Variants in MBD2 observed in about 807,000 individuals in gnomAD.
The protein encoded by MBD2 is methyl-CpG-binding domain protein 2.
MBD2 carries 9 observed loss-of-function variants against 39.3 expected under a neutral mutation model. The ratio of observed to expected loss-of-function variants is 0.23; its 90% CI spans 0.14 to 0.40. The LOEUF (loss-of-function observed/expected upper bound fraction) is 0.40. Among genes scored for constraint, MBD2 ranks in the 10% least tolerant of loss-of-function variants. MBD2 has a pLI of 1.00. For synonymous variants in MBD2, 233 were observed against 211.1 expected (o/e 1.10, Z -0.90); for missense variants, 458 against 532.6 (o/e 0.86, Z 1.38).
Position 54,224,205 on chromosome 18 carries a change from CGCCACCGCT to C in MBD2, c.346_354del (p.Ser116_Gly118del). On this transcript the variant is annotated inframe_deletion, in exon 1 of 7. Transcript: ENST00000256429. ...ACCGGCTCCCGCCGGGGGGCGCCGC[CGCCACCGCT>C]GCCGCCGCCGCCGCAGCCGCCGCCG... 6.7e-6 allele frequency: 8 copies of C among 1,186,750 alleles called. No individual in the cohort carries two copies. Among genetic ancestry groups the C allele is most frequent in the Non-Finnish European group, 8.3e-6 (8 of 960,778 alleles). 73.5% of individuals were successfully genotyped at this position (1,186,750 alleles called of 1,614,324 possible).
In MBD2 at chr18:54,181,699, G is replaced by A. The variant is rs140579914; in HGVS notation, c.840+7175C>T. ...GTATTTTTAGTAGAGACAGGGTTTC[G>A]CATCTTGGCCAGGCTGGTCTTGAAC... On this transcript the variant is annotated intron_variant, in intron 3 of 6. Transcript: ENST00000256429. 2.8e-3 allele frequency among the ~76,000 whole-genome samples: 430 copies of A among 151,878 alleles called. 1 individual carries two copies. Among genetic ancestry groups the A allele is most frequent in the African/African-American group, 9.8e-3 (407 of 41,410 alleles).
At chr18:54,203,064 C>T (rs759383254) in intron 2 of MBD2, 35 of 1,486,840 alleles carry the variant, frequency 2.4e-5, no homozygotes, top group East Asian at 9.0e-5. Flanking sequence ...GTCTTGAAAG[C>T]GCATGCCATG....
chr18:54,220,716 G>T (rs1014055948), intron 1 of MBD2, among the ~76,000 whole-genome samples: 5 of 152,198 alleles, frequency 3.3e-5, no homozygotes, highest in African/African-American at 1.2e-4. Context: ...TAAATATGGG[G>T]ACACTAATAT....
chr18:54,159,735 T>C (rs2086081584), intron 6 of MBD2, 30 bp downstream of exon 6: 1 of 1,598,310 alleles, frequency 6.3e-7, no homozygotes, highest in Admixed American at 1.7e-5. Flanking sequence ...CACCTTAAGT[T>C]CCAAGTCACT....
chr18:54,202,636 C>A, intron 2 of MBD2: 1 of 850,408 alleles, frequency 1.2e-6, no homozygotes, highest in Non-Finnish European at 1.5e-6. Flanking sequence ...AAAATTAAGG[C>A]AGAAAGCTTC....
chr18:54,164,717 G>C lies in MBD2; in HGVS notation c.932-17C>G. On this transcript the variant is annotated splice_polypyrimidine_tract_variant and intron_variant, in intron 4 of 6. Coordinates refer to ENST00000256429, the MANE Select transcript of MBD2 (RefSeq NM_003927.5). ...GACCAACTCCTGCAATGAGAAACAA[G>C]TACTAGTTAAAGGAAATGTCTCAAT... is the stretch of plus-strand genomic sequence containing the variant. 4 of 1,588,490 alleles carry C rather than the reference G, an allele frequency of 2.5e-6. No homozygotes were observed. Among genetic ancestry groups the C allele is most frequent in the Non-Finnish European group, 3.5e-6 (4 of 1,158,594 alleles).
chr18:54,186,737 A>G (rs902258935), intron 3 of MBD2, among the ~76,000 whole-genome samples: 5 of 152,186 alleles, frequency 3.3e-5, no homozygotes, highest in African/African-American at 1.2e-4. Context: ...AGGTACCATA[A>G]GGATAAAGTA....
chr18:54,182,476 A>G (rs1040133640), intron 3 of MBD2, among the ~76,000 whole-genome samples: 2 of 152,206 alleles, frequency 1.3e-5, no homozygotes, highest in Non-Finnish European at 2.9e-5. Flanking sequence ...GCATATGCAA[A>G]AACCTGAAAA....
chr18:54,183,955 C>T (rs2086266988), intron 3 of MBD2, among the ~76,000 whole-genome samples: 1 of 152,006 alleles, frequency 6.6e-6, no homozygotes, highest in Admixed American at 6.6e-5. Context: ...CAGGATATTC[C>T]TTCAAGTTCA....
intron 2 of MBD2, among the ~76,000 whole-genome samples, chr18:54,200,850 C>T (rs1022297781): frequency 2.0e-5 from 3 of 151,780 alleles, no homozygotes; most frequent in Non-Finnish European, 1.5e-5. Context: ...GAGGCCGAGG[C>T]GGGCGGATCA....
chr18:54,165,969 A>C, intron 4 of MBD2, 107 bp downstream of exon 4: 1 of 735,776 alleles, frequency 1.4e-6, no homozygotes, highest in African/African-American at 1.8e-5. Flanking sequence ...TGACCTCCCA[A>C]AGCAAAGGCC....
At chr18:54,206,884 C>A (rs1347322324) in intron 1 of MBD2, among the ~76,000 whole-genome samples, 1 of 152,214 alleles carries the variant, frequency 6.6e-6, no homozygotes, top group African/African-American at 2.4e-5. Context: ...TAGCAAGTCA[C>A]TCGCAATATT....
At position 54,220,405 on chromosome 18, in the gene MBD2, G is replaced by C. The variant is rs1033719687; in HGVS notation, c.542+3613C>G. The stretch of plus-strand genomic sequence containing the variant: ...TTATATTGCGTTAACTGGCAACTAG[G>C]GGCACGCCTTCCTATTAGAACTTGG... On this transcript the variant is annotated intron_variant, in intron 1 of 6. Coordinates refer to ENST00000256429, the MANE Select transcript of MBD2 (RefSeq NM_003927.5). Among the ~76,000 whole-genome samples, 3 of 151,666 alleles carry C rather than the reference G, an allele frequency of 2.0e-5. No individual in the cohort carries two copies. The South Asian group carries it at 6.2e-4, about 32-fold the overall frequency.
At chr18:54,173,766 C>G (rs1351770267) in intron 3 of MBD2, among the ~76,000 whole-genome samples, 1 of 152,110 alleles carries the variant, frequency 6.6e-6, no homozygotes, top group Non-Finnish European at 1.5e-5. Context: ...ATTGGAAGAC[C>G]AGGGAATGAG....
Position 54,152,274 on chromosome 18 carries a change from G to C in MBD2, c.*3050C>G, listed in dbSNP as rs1325730860. 1.3e-5 allele frequency: 2 copies of C among 152,224 alleles called. No individual in the cohort carries two copies. The highest frequency in any genetic ancestry group is 2.9e-5 in the Non-Finnish European group (2 of 68,098). 9.4% of individuals were successfully genotyped at this position (152,224 alleles called of 1,614,324 possible). ...CAGGCAAAGGGTGTTTCAGGCAAAG[G>C]GAACAACAGGTACAAAGACACAGAG... On this transcript the variant is annotated 3_prime_UTR_variant, in exon 7 of 7. Transcript: ENST00000256429.
At chr18:54,217,842 G>A (rs2086574095) in intron 1 of MBD2, among the ~76,000 whole-genome samples, 1 of 152,164 alleles carries the variant, frequency 6.6e-6, no homozygotes, top group African/African-American at 2.4e-5. Context: ...CGGCAGGTGA[G>A]ACTTTGCATG....
intron 3 of MBD2, among the ~76,000 whole-genome samples, chr18:54,166,918 G>C (rs1568079374): frequency 6.6e-6 from 1 of 152,108 alleles, no homozygotes; most frequent in Non-Finnish European, 1.5e-5. Flanking sequence ...TTTCATATTT[G>C]ATTCTCTCTC....
chr18:54,175,391 C>T (rs1197507144), intron 3 of MBD2, among the ~76,000 whole-genome samples: 1 of 152,242 alleles, frequency 6.6e-6, no homozygotes, highest in Non-Finnish European at 1.5e-5. Context: ...CTCAGATCTC[C>T]TCCTATTTTA....
At chr18:54,208,484 C>G (rs1262576506) in intron 1 of MBD2, among the ~76,000 whole-genome samples, 1 of 152,194 alleles carries the variant, frequency 6.6e-6, no homozygotes, top group East Asian at 1.9e-4. Flanking sequence ...GAGCAAAACT[C>G]TGTCTCAATA....
Sources: allele counts gnomAD v4.1 joint callset (sites outside exome capture counted in the v4.1 genomes callset), GRCh38; gene constraint gnomAD v4.1.1; transcripts MANE v1.5; gene names NCBI Gene and HGNC (gene_info 2026-07-23, HGNC 2026-07-21).